OPCML: variants seen among roughly 807,000 people sequenced by gnomAD.
OPCML encodes opioid binding protein/cell adhesion molecule like, also known as opioid-binding protein/cell adhesion molecule.
OPCML carries 13 observed loss-of-function variants against 37.8 expected under a neutral mutation model. The ratio of observed to expected loss-of-function variants is 0.34; its 90% confidence interval spans 0.22 to 0.55. OPCML has a LOEUF of 0.55. Ranked by LOEUF, OPCML falls within the 20% of genes least tolerant of loss-of-function variation. OPCML has a pLI of 0.91. For synonymous variants in OPCML, 176 were observed against 168.8 expected (o/e 1.04, Z -0.33); for missense variants, 341 against 435.6 (o/e 0.78, Z 1.93).
chr11:133,478,874 G>T (rs1457660041), intron 1 of OPCML, among the ~76,000 whole-genome samples: 1 of 151,528 alleles, frequency 6.6e-6, no homozygotes, highest in African/African-American at 2.4e-5. Context: ...TCACCCTGGA[G>T]CTGTGGCACC....
intron 1 of OPCML, chr11:133,422,141 C>A: frequency 3.0e-6 from 3 of 984,140 alleles, no homozygotes; most frequent in Non-Finnish European, 3.6e-6. Context: ...TGGCAGGCCC[C>A]GATGTGTTTG....
chr11:133,194,212 T>TC (rs1441958170), intron 1 of OPCML, among the ~76,000 whole-genome samples: 1 of 147,134 alleles, frequency 6.8e-6, no homozygotes, highest in East Asian at 1.9e-4. Context: ...CCACTTTTTT[T>TC]TTTTTTTTTT....
chr11:132,981,777 T>A (rs866376234), intron 1 of OPCML, among the ~76,000 whole-genome samples: 15 of 152,292 alleles, frequency 9.8e-5, no homozygotes, highest in Middle Eastern at 6.8e-3. Context: ...CAGGAAACTA[T>A]GATAGCTGAG....
intron 2 of OPCML, among the ~76,000 whole-genome samples, chr11:132,794,625 C>T (rs1938181713): frequency 6.6e-6 from 1 of 152,100 alleles, no homozygotes; most frequent in Non-Finnish European, 1.5e-5. Context: ...ACTTTGTGTA[C>T]ATGAATGGAC....
At chr11:133,002,568 A>C (rs1947025265) in intron 1 of OPCML, among the ~76,000 whole-genome samples, 1 of 152,236 alleles carries the variant, frequency 6.6e-6, no homozygotes. Flanking sequence ...GGGTAGCATG[A>C]GGATTAATAA....
chr11:133,024,756 AAGGGC>A (rs1177772573), intron 1 of OPCML: 2 of 975,226 alleles, frequency 2.1e-6, no homozygotes, highest in African/African-American at 3.5e-5. Flanking sequence ...ATGGGTTAAT[AAGGGC>A]ATTTTGTGGA....
chr11:132,860,668 C>T (rs890368893), intron 2 of OPCML: 4 of 152,100 alleles, frequency 2.6e-5, no homozygotes, highest in Non-Finnish European at 5.9e-5. Flanking sequence ...CAGCAGGAAA[C>T]GCAAAAGGTA....
At chr11:132,556,868 T>A (rs1038598238) in intron 3 of OPCML, among the ~76,000 whole-genome samples, 8 of 152,180 alleles carry the variant, frequency 5.3e-5, no homozygotes, top group Non-Finnish European at 8.8e-5. Context: ...TGGACTCTCC[T>A]AGGCGGATAT....
At chr11:132,896,941 C>T (rs917682094) in intron 2 of OPCML, among the ~76,000 whole-genome samples, 2 of 152,180 alleles carry the variant, frequency 1.3e-5, no homozygotes, top group Non-Finnish European at 2.9e-5. Flanking sequence ...GAAAGAGATA[C>T]CATGCCTAGT....
chr11:133,362,062 G>A (rs1465738830), intron 1 of OPCML: 2 of 152,270 alleles, frequency 1.3e-5, no homozygotes, highest in Non-Finnish European at 2.9e-5. Context: ...TCGGGGCTGC[G>A]GGCGTTGTCC....
intron 1 of OPCML, among the ~76,000 whole-genome samples, chr11:133,182,204 C>G (rs991532218): frequency 6.6e-6 from 1 of 152,218 alleles, no homozygotes; most frequent in Non-Finnish European, 1.5e-5. Flanking sequence ...TAAAAGAAGT[C>G]TTCCTTTGCA....
intron 1 of OPCML, chr11:133,422,331 T>C: frequency 1.0e-6 from 1 of 982,436 alleles, no homozygotes. Flanking sequence ...TTCTAAGTTT[T>C]TCTTCAAAGC....
intron 2 of OPCML, among the ~76,000 whole-genome samples, chr11:132,823,308 T>C (rs1345036098): frequency 6.6e-6 from 1 of 152,194 alleles, no homozygotes; most frequent in Non-Finnish European, 1.5e-5. Context: ...TGCCTTCGCA[T>C]GGGGGACAAC....
intron 7 of OPCML, among the ~76,000 whole-genome samples, chr11:132,423,644 A>G (rs2095967700): frequency 6.6e-6 from 1 of 152,228 alleles, no homozygotes; most frequent in African/African-American, 2.4e-5. Flanking sequence ...GTTCTCTCCC[A>G]CTAGGCTGCT....
At chr11:133,314,198 G>T (rs1187077507) in intron 1 of OPCML, among the ~76,000 whole-genome samples, 6 of 115,736 alleles carry the variant, frequency 5.2e-5, no homozygotes, top group Admixed American at 1.3e-4. Flanking sequence ...TCGCGCCACT[G>T]CACTCCAGCC....
intron 1 of OPCML, among the ~76,000 whole-genome samples, chr11:133,220,700 G>A (rs1185825249): frequency 1.3e-5 from 2 of 152,076 alleles, no homozygotes; most frequent in East Asian, 1.9e-4. Flanking sequence ...ACCACTAAAT[G>A]CTCCCCCAAA....
At chr11:133,029,311 A>C (rs966984008) in intron 1 of OPCML, among the ~76,000 whole-genome samples, 1 of 152,226 alleles carries the variant, frequency 6.6e-6, no homozygotes, top group African/African-American at 2.4e-5. Flanking sequence ...AGTAGTTTGG[A>C]GATTTCTCAC....
intron 2 of OPCML, among the ~76,000 whole-genome samples, chr11:132,855,348 A>T (rs1030318230): frequency 6.6e-6 from 1 of 152,054 alleles, no homozygotes; most frequent in Non-Finnish European, 1.5e-5. Flanking sequence ...CTGCTCACCA[A>T]ATTATCCATA....
At chr11:132,829,680 C>T (rs1050703925) in intron 2 of OPCML, among the ~76,000 whole-genome samples, 3 of 152,182 alleles carry the variant, frequency 2.0e-5, no homozygotes, top group Admixed American at 2.0e-4. Flanking sequence ...TCATTTCTGC[C>T]TGCTTTTACT....
Sources: allele counts gnomAD v4.1 joint callset (sites outside exome capture counted in the v4.1 genomes callset), GRCh38; gene constraint gnomAD v4.1.1; transcripts MANE v1.5; gene names NCBI Gene and HGNC (gene_info 2026-07-23, HGNC 2026-07-21).